Variants in DLG2 observed in about 807,000 individuals in gnomAD.
DLG2 encodes disks large homolog 2.
Under a neutral mutation model 132.5 loss-of-function variants are expected in DLG2, and 45 were observed. That is an observed-to-expected ratio of 0.34 (90% CI 0.27 to 0.44). DLG2 has a LOEUF of 0.44. Among genes scored for constraint, DLG2 ranks in the 20% least tolerant of loss-of-function variants. DLG2 has a pLI of 1.00. For synonymous variants in DLG2, 424 were observed against 419.6 expected, an observed-to-expected ratio of 1.01 and a Z score of -0.13; for missense variants, 1,045 against 1,196.9, an observed-to-expected ratio of 0.87 and a Z score of 1.87.
chr11:84,974,075 A>G (rs1044377197), intron 6 of DLG2, among the ~76,000 whole-genome samples: 20 of 152,214 alleles, frequency 1.3e-4, no homozygotes, highest in African/African-American at 4.8e-4. Flanking sequence ...CTGTTCTCCC[A>G]AACAGACCAA....
At chr11:85,011,497 A>G (rs1473416569) in intron 6 of DLG2, among the ~76,000 whole-genome samples, 1 of 152,240 alleles carries the variant, frequency 6.6e-6, no homozygotes, top group African/African-American at 2.4e-5. Flanking sequence ...ACACTTAGTC[A>G]AGAGTGCATT....
chr11:84,232,341 T>C (rs1165312929), intron 8 of DLG2, among the ~76,000 whole-genome samples: 1 of 152,170 alleles, frequency 6.6e-6, no homozygotes, highest in East Asian at 1.9e-4. Flanking sequence ...GGAAATTATG[T>C]CTTGCTTACA....
chr11:84,543,211 T>C (rs2099382133), intron 6 of DLG2, among the ~76,000 whole-genome samples: 2 of 152,308 alleles, frequency 1.3e-5, no homozygotes, highest in South Asian at 4.1e-4. Context: ...GTTATTCCAA[T>C]CCATTCTTTC....
At chr11:85,578,021 T>A (rs1403613174) in intron 3 of DLG2, among the ~76,000 whole-genome samples, 1 of 152,118 alleles carries the variant, frequency 6.6e-6, no homozygotes, top group East Asian at 1.9e-4. Context: ...CAAAACAGCA[T>A]GGTACTGGTA....
chr11:84,490,502 G>A (rs2099161992), intron 7 of DLG2, among the ~76,000 whole-genome samples: 1 of 151,868 alleles, frequency 6.6e-6, no homozygotes, highest in South Asian at 2.1e-4. Context: ...ATAACTTACT[G>A]GCCTCTGTTT....
At chr11:84,028,668 A>G (rs1300100340) in intron 11 of DLG2, among the ~76,000 whole-genome samples, 1 of 152,122 alleles carries the variant, frequency 6.6e-6, no homozygotes, top group Admixed American at 6.6e-5. Flanking sequence ...CCTCCTGCCT[A>G]TTAAGGTCTT....
intron 21 of DLG2, among the ~76,000 whole-genome samples, chr11:83,528,202 A>G (rs1452024916): frequency 6.6e-6 from 1 of 152,312 alleles, no homozygotes; most frequent in Middle Eastern, 3.4e-3. Context: ...GCATGTGTAG[A>G]CATAGACTTT....
At chr11:85,484,336 C>G (rs868539467) in intron 3 of DLG2, among the ~76,000 whole-genome samples, 9 of 147,944 alleles carry the variant, frequency 6.1e-5, no homozygotes, top group African/African-American at 1.3e-4. Context: ...GCAACAAAAG[C>G]CAAAATTGAC....
intron 15 of DLG2, among the ~76,000 whole-genome samples, chr11:83,917,750 C>T (rs1224153040): frequency 6.6e-6 from 1 of 152,198 alleles, no homozygotes; most frequent in African/African-American, 2.4e-5. Context: ...ATACCCACCA[C>T]TTGTCATTCC....
At chr11:85,251,709 G>C (rs985923316) in intron 4 of DLG2, among the ~76,000 whole-genome samples, 11 of 152,074 alleles carry the variant, frequency 7.2e-5, no homozygotes, top group African/African-American at 1.2e-4. Flanking sequence ...GACTGATTAA[G>C]AGGCCATTAA....
In DLG2 at chr11:83,922,545, C is replaced by T. The variant is rs186745255; in HGVS notation, c.1496+7783G>A. On this transcript the variant is annotated intron_variant, in intron 15 of 27. Transcript: ENST00000376104. Reference sequence around the variant, plus strand: ...TAAGATTATATCAGCCTTTTAAGGGCATAAGAAGGTCACTGATTTGTAAGC... The same window carrying T: ...TAAGATTATATCAGCCTTTTAAGGGTATAAGAAGGTCACTGATTTGTAAGC... Among the ~76,000 whole-genome samples, 14 of 152,218 alleles carry T rather than the reference C, an allele frequency of 9.2e-5. No individual in the cohort carries two copies. In the East Asian group the frequency reaches 2.7e-3, roughly 29 times the overall value.
chr11:84,678,745 G>T (rs980538151), intron 6 of DLG2, among the ~76,000 whole-genome samples: 1 of 151,994 alleles, frequency 6.6e-6, no homozygotes, highest in African/African-American at 2.4e-5. Context: ...TTGTATGTGT[G>T]GTAGAAGAAG....
chr11:84,143,991 G>T (rs1007627212), intron 9 of DLG2, among the ~76,000 whole-genome samples: 1 of 152,110 alleles, frequency 6.6e-6, no homozygotes, highest in Non-Finnish European at 1.5e-5. Context: ...AAAATTGGGG[G>T]TGGGTAGGGT....
chr11:85,151,595 CTTTT>C (rs2077257263), intron 5 of DLG2, among the ~76,000 whole-genome samples: 1 of 152,116 alleles, frequency 6.6e-6, no homozygotes, highest in Non-Finnish European at 1.5e-5. Context: ...CCAACTTTAT[CTTTT>C]GCATGTAGAT....
At chr11:85,234,293 C>T (rs2075460691) in intron 4 of DLG2, among the ~76,000 whole-genome samples, 1 of 151,898 alleles carries the variant, frequency 6.6e-6, no homozygotes, top group Non-Finnish European at 1.5e-5. Flanking sequence ...AATTTTCTTC[C>T]CTTCCTAAGC....
intron 6 of DLG2, among the ~76,000 whole-genome samples, chr11:84,933,290 T>C (rs1001329625): frequency 6.6e-6 from 1 of 152,170 alleles, no homozygotes; most frequent in African/African-American, 2.4e-5. Context: ...TATTTTTAAG[T>C]CAAATAGTGA....
chr11:83,747,990 C>T (rs2093039292), intron 18 of DLG2, among the ~76,000 whole-genome samples: 1 of 152,090 alleles, frequency 6.6e-6, no homozygotes, highest in Non-Finnish European at 1.5e-5. Context: ...GATTGAGGCA[C>T]TTATAGAAAT....
At chr11:83,725,308 C>A in intron 18 of DLG2, 1 of 177,610 alleles carries the variant, frequency 5.6e-6, no homozygotes, top group Non-Finnish European at 1.2e-5. Context: ...CAGCTAGCTG[C>A]TGGTGTTTGA....
chr11:83,653,824 G>T lies in DLG2; in HGVS notation c.1826-20499C>A, dbSNP rs879909139. ...TGCAACCTCTGCCTCCCAGGTTCAA[G>T]AGATTCTCCTGTGCCAGCCTCCCGA... On this transcript the variant is annotated intron_variant, in intron 18 of 27. Coordinates refer to ENST00000376104, the MANE Select transcript of DLG2 (RefSeq NM_001142699.3). Among the ~76,000 whole-genome samples, 807 of 152,208 alleles carry T rather than the reference G, an allele frequency of 5.3e-3. 5 individuals are homozygous for T. Among genetic ancestry groups the T allele is most frequent in the Non-Finnish European group, 8.5e-3 (576 of 68,010 alleles).
Sources: allele counts gnomAD v4.1 joint callset (sites outside exome capture counted in the v4.1 genomes callset), GRCh38; gene constraint gnomAD v4.1.1; transcripts MANE v1.5; gene names NCBI Gene and HGNC (gene_info 2026-07-23, HGNC 2026-07-21).